Variants in ZFPM2 observed in about 807,000 individuals in gnomAD.
ZFPM2 encodes the protein zinc finger protein, FOG family member 2.
In ZFPM2, 20 loss-of-function variants were observed where a neutral mutation model predicts 98.6. That is an observed-to-expected ratio of 0.20 (90% CI 0.14 to 0.29). The LOEUF is 0.29. Ranked by LOEUF, ZFPM2 falls within the 10% of genes least tolerant of loss-of-function variation. The pLI is 1.00. For missense variants in ZFPM2, 1,310 were observed against 1,388.6 expected (o/e 0.94, Z 0.90); for synonymous variants, 518 against 502.7 (o/e 1.03, Z -0.41).
chr8:105,751,198 A>T (rs899174807), intron 5 of ZFPM2, among the ~76,000 whole-genome samples: 6 of 152,138 alleles, frequency 3.9e-5, no homozygotes, highest in African/African-American at 1.4e-4. Flanking sequence ...TTCTACCTTT[A>T]CAAACTGTGT....
chr8:105,450,723 C>T (rs1449136042), intron 3 of ZFPM2, among the ~76,000 whole-genome samples: 2 of 151,528 alleles, frequency 1.3e-5, no homozygotes, highest in African/African-American at 4.8e-5. Context: ...TGTGTGCTCA[C>T]GTGTGTGTAT....
chr8:105,344,047 G>A (rs1262940999), intron 1 of ZFPM2, among the ~76,000 whole-genome samples: 1 of 152,098 alleles, frequency 6.6e-6, no homozygotes, highest in Non-Finnish European at 1.5e-5. Flanking sequence ...AAGAGGACTT[G>A]TGCAAGGGAA....
At chr8:105,705,246 T>C (rs887998518) in intron 5 of ZFPM2, among the ~76,000 whole-genome samples, 3 of 152,214 alleles carry the variant, frequency 2.0e-5, no homozygotes, top group African/African-American at 7.2e-5. Context: ...TAAAAATTTT[T>C]AATAAAAGAA....
intron 3 of ZFPM2, among the ~76,000 whole-genome samples, chr8:105,512,002 C>T (rs1226107939): frequency 1.3e-5 from 2 of 152,086 alleles, no homozygotes; most frequent in Non-Finnish European, 2.9e-5. Flanking sequence ...AAAAATTAGC[C>T]TGGTGTGGTG....
intron 1 of ZFPM2, among the ~76,000 whole-genome samples, chr8:105,334,662 G>A (rs1286514228): frequency 5.9e-5 from 9 of 151,644 alleles, no homozygotes; most frequent in Admixed American, 5.9e-4. Context: ...TCTCCACGAT[G>A]TTGTTTTCCT....
chr8:105,460,955 G>T (rs1269349073), intron 3 of ZFPM2, among the ~76,000 whole-genome samples: 1 of 151,766 alleles, frequency 6.6e-6, no homozygotes, highest in Non-Finnish European at 1.5e-5. Context: ...TGACATATTG[G>T]TGTGGATAAT....
chr8:105,653,070 A>G (rs1424332038), intron 5 of ZFPM2, among the ~76,000 whole-genome samples: 3 of 152,214 alleles, frequency 2.0e-5, no homozygotes, highest in Non-Finnish European at 4.4e-5. Flanking sequence ...AGGACAAACA[A>G]TAGCTTAGTT....
At chr8:105,455,741 A>C (rs1021326330) in intron 3 of ZFPM2, among the ~76,000 whole-genome samples, 16 of 152,172 alleles carry the variant, frequency 1.1e-4, no homozygotes, top group Non-Finnish European at 1.5e-5. Flanking sequence ...TCTATGTAGA[A>C]TATTTTGACA....
chr8:105,523,966 C>T (rs1814116475), intron 3 of ZFPM2, among the ~76,000 whole-genome samples: 1 of 152,182 alleles, frequency 6.6e-6, no homozygotes, highest in Non-Finnish European at 1.5e-5. Flanking sequence ...TCTCCCCAGA[C>T]TGCTCCCTGA....
intron 3 of ZFPM2, among the ~76,000 whole-genome samples, chr8:105,540,089 C>G (rs1285341009): frequency 1.3e-5 from 2 of 152,060 alleles, no homozygotes; most frequent in Admixed American, 1.3e-4. Context: ...CAATCTTTAT[C>G]TCTCTCCCCA....
intron 7 of ZFPM2, among the ~76,000 whole-genome samples, chr8:105,800,684 T>TATTAG (rs1169950737): frequency 1.3e-5 from 2 of 152,182 alleles, no homozygotes; most frequent in Non-Finnish European, 2.9e-5. Context: ...ATAGTGAGGT[T>TATTAG]ATTAGATTAG....
intron 5 of ZFPM2, among the ~76,000 whole-genome samples, chr8:105,769,334 C>A (rs758489932): frequency 6.6e-6 from 1 of 152,010 alleles, no homozygotes; most frequent in Non-Finnish European, 1.5e-5. Context: ...ATTTTATCCA[C>A]CGTTTTCCTT....
intron 5 of ZFPM2, among the ~76,000 whole-genome samples, chr8:105,640,501 T>A (rs908638514): frequency 2.0e-5 from 3 of 152,038 alleles, no homozygotes; most frequent in Non-Finnish European, 4.4e-5. Context: ...TCTTATGAAT[T>A]TAAGCATGCA....
chr8:105,447,836 T>G (rs1247048491), intron 3 of ZFPM2, among the ~76,000 whole-genome samples: 2 of 152,076 alleles, frequency 1.3e-5, no homozygotes, highest in Admixed American at 6.6e-5. Context: ...TCAACTCCCG[T>G]CTGACGTGTT....
At chr8:105,464,193 T>C (rs1226183946) in intron 3 of ZFPM2, among the ~76,000 whole-genome samples, 3 of 152,088 alleles carry the variant, frequency 2.0e-5, no homozygotes, top group Non-Finnish European at 4.4e-5. Context: ...ACAGCTCAGT[T>C]CACTTTCTGA....
intron 4 of ZFPM2, among the ~76,000 whole-genome samples, chr8:105,608,984 A>G (rs1157092700): frequency 6.6e-6 from 1 of 152,144 alleles, no homozygotes. Flanking sequence ...AGAAGACTGA[A>G]CAAGGAAAGA....
At chr8:105,601,572 G>A (rs113079947) in intron 4 of ZFPM2, among the ~76,000 whole-genome samples, 4 of 152,024 alleles carry the variant, frequency 2.6e-5, no homozygotes, top group African/African-American at 9.7e-5. Flanking sequence ...TCTAAAAGTA[G>A]AGATAACAGT....
intron 6 of ZFPM2, chr8:105,795,731 C>CTT (rs1456618471): frequency 2.4e-6 from 1 of 416,446 alleles, no homozygotes; most frequent in African/African-American, 2.2e-5. Context: ...TTGAACTTAA[C>CTT]TTAGTTTGTA....
chr8:105,485,517 C>T (rs1191776906), intron 3 of ZFPM2, among the ~76,000 whole-genome samples: 1 of 151,942 alleles, frequency 6.6e-6, no homozygotes, highest in African/African-American at 2.4e-5. Flanking sequence ...GACTCTATCT[C>T]TATAAAAGAA....
Sources: allele counts gnomAD v4.1 joint callset (sites outside exome capture counted in the v4.1 genomes callset), GRCh38; gene constraint gnomAD v4.1.1; transcripts MANE v1.5; gene names NCBI Gene and HGNC (gene_info 2026-07-23, HGNC 2026-07-21).